Variants in AFG2A observed in about 807,000 individuals in gnomAD.
The protein encoded by AFG2A is ATPase family gene 2 protein homolog A.
the AFG2A span, among the ~76,000 whole-genome samples, chr4:123,131,336 C>T: frequency 1.3e-5 from 2 of 152,092 alleles, no homozygotes; most frequent in African/African-American, 4.8e-5. Flanking sequence ...TAAAAAAGCA[C>T]ATAACATAAA....
At chr4:123,082,377 T>A in the AFG2A span, among the ~76,000 whole-genome samples, 2 of 152,180 alleles carry the variant, frequency 1.3e-5, no homozygotes, top group East Asian at 3.8e-4. Flanking sequence ...CATCATTTGT[T>A]AAAAGGACCA....
At chr4:123,246,635 C>T in the AFG2A span, among the ~76,000 whole-genome samples, 1 of 152,252 alleles carries the variant, frequency 6.6e-6, no homozygotes, top group East Asian at 1.9e-4. Flanking sequence ...GATGATACCA[C>T]TGTCTGACTG....
the AFG2A span, among the ~76,000 whole-genome samples, chr4:123,052,096 G>T: frequency 9.2e-5 from 14 of 151,954 alleles, no homozygotes; most frequent in East Asian, 2.7e-3. Context: ...TTCTTTTGAT[G>T]TTGTCTCATA....
At chr4:123,098,261 ATC>A in the AFG2A span, among the ~76,000 whole-genome samples, 27 of 152,164 alleles carry the variant, frequency 1.8e-4, no homozygotes, top group African/African-American at 6.3e-4. Flanking sequence ...TAAAAATTGT[ATC>A]TGTTTATAGA....
the AFG2A span, among the ~76,000 whole-genome samples, chr4:123,290,107 T>C: frequency 0.74 from 111,841 of 152,130 alleles, 42,056 homozygotes; most frequent in Non-Finnish European, 0.81. Flanking sequence ...AGTCCCCTAT[T>C]AGAGGCATAG....
At chr4:123,136,683 A>T in the AFG2A span, among the ~76,000 whole-genome samples, 6,958 of 151,344 alleles carry the variant, frequency 0.046, 492 homozygotes, top group African/African-American at 0.15. Flanking sequence ...TCAAAAAAAA[A>T]AAATATATAT....
the AFG2A span, among the ~76,000 whole-genome samples, chr4:123,094,850 C>T: frequency 6.6e-6 from 1 of 151,344 alleles, no homozygotes; most frequent in African/African-American, 2.4e-5. Flanking sequence ...ACAAAACTCC[C>T]CTCACAAATT....
chr4:123,276,031 T>G, the AFG2A span, among the ~76,000 whole-genome samples: 7 of 152,214 alleles, frequency 4.6e-5, no homozygotes, highest in African/African-American at 1.4e-4. Flanking sequence ...TAAATGATAA[T>G]TCTGTTTTGA....
the AFG2A span, among the ~76,000 whole-genome samples, chr4:123,270,879 A>T: frequency 6.6e-6 from 1 of 152,220 alleles, no homozygotes; most frequent in South Asian, 2.1e-4. Flanking sequence ...TAGCATTTCA[A>T]ACTCAAAGGA....
At chr4:123,059,172 C>T in the AFG2A span, among the ~76,000 whole-genome samples, 7 of 57,230 alleles carry the variant, frequency 1.2e-4, no homozygotes, top group Non-Finnish European at 3.2e-4. Flanking sequence ...TATTATTATA[C>T]TTTAAGTTTT....
the AFG2A span, chr4:122,929,264 T>C: frequency 2.8e-6 from 4 of 1,454,380 alleles, no homozygotes; most frequent in East Asian, 2.5e-5. Flanking sequence ...GAGTCACAAA[T>C]GTAAACCACA....
At chr4:123,310,460 G>A in the AFG2A span, among the ~76,000 whole-genome samples, 1 of 152,026 alleles carries the variant, frequency 6.6e-6, no homozygotes, top group East Asian at 1.9e-4. Context: ...TCCCTTACCT[G>A]TATGCATGTC....
At chr4:123,114,359 G>A in the AFG2A span, among the ~76,000 whole-genome samples, 1 of 152,158 alleles carries the variant, frequency 6.6e-6, no homozygotes, top group Non-Finnish European at 1.5e-5. Flanking sequence ...GAACCTGTCT[G>A]CATCCTGCTG....
chr4:123,273,255 C>T, the AFG2A span, among the ~76,000 whole-genome samples: 6 of 151,986 alleles, frequency 3.9e-5, no homozygotes, highest in African/African-American at 1.2e-4. Flanking sequence ...GTACATTATG[C>T]GTAGTATAAT....
At chr4:123,214,581 T>TA in the AFG2A span, among the ~76,000 whole-genome samples, 225 of 151,746 alleles carry the variant, frequency 1.5e-3, no homozygotes, top group African/African-American at 4.6e-3. Context: ...CCTAGAAATA[T>TA]AAAAAAAATT....
the AFG2A span, among the ~76,000 whole-genome samples, chr4:123,293,688 C>G: frequency 3.3e-5 from 5 of 152,178 alleles, no homozygotes; most frequent in Non-Finnish European, 7.3e-5. Context: ...GGAAGGGACA[C>G]TATGCAGACA....
the AFG2A span, among the ~76,000 whole-genome samples, chr4:123,044,649 A>G: frequency 6.6e-6 from 1 of 151,918 alleles, no homozygotes; most frequent in Non-Finnish European, 1.5e-5. Context: ...TGCAAAAATA[A>G]CTGAAATCCA....
chr4:122,974,510 G>T, the AFG2A span, among the ~76,000 whole-genome samples: 6,208 of 152,224 alleles, frequency 0.041, 409 homozygotes, highest in African/African-American at 0.14. Context: ...ACTTATGATG[G>T]GGTTATGTCC....
chr4:122,972,833 C>T, the AFG2A span, among the ~76,000 whole-genome samples: 4 of 151,922 alleles, frequency 2.6e-5, no homozygotes, highest in East Asian at 5.8e-4. Flanking sequence ...GCTTTGTGTC[C>T]TAGCATAGGG....
Sources: allele counts gnomAD v4.1 joint callset (sites outside exome capture counted in the v4.1 genomes callset), GRCh38; gene constraint gnomAD v4.1.1; transcripts MANE v1.5; gene names NCBI Gene and HGNC (gene_info 2026-07-23, HGNC 2026-07-21).